Variants in OR5BS1 observed in about 807,000 individuals in gnomAD.
OR5BS1 encodes the protein olfactory receptor family 5 subfamily BS member 1.
At chr12:48,560,625 C>T in the OR5BS1 span, 1 of 401,382 alleles carries the variant, frequency 2.5e-6, no homozygotes, top group Non-Finnish European at 4.4e-6. Flanking sequence ...TCCTTGTGGT[C>T]ACCATCTTTT....
the OR5BS1 span, among the ~76,000 whole-genome samples, chr12:48,561,851 T>C: frequency 2.6e-5 from 4 of 152,244 alleles, no homozygotes; most frequent in African/African-American, 9.6e-5. Flanking sequence ...CATCTCCCTT[T>C]GTCTCAGTTT....
the OR5BS1 span, chr12:48,562,696 T>C: frequency 2.5e-6 from 1 of 398,596 alleles, no homozygotes; most frequent in Non-Finnish European, 4.4e-6. Context: ...GAAGACCTCC[T>C]TTGCAGAGTC....
the OR5BS1 span, chr12:48,562,871 A>T: frequency 2.5e-6 from 1 of 401,864 alleles, no homozygotes. Flanking sequence ...CCCCTGCTGA[A>T]CCCCCTCATC....
the OR5BS1 span, among the ~76,000 whole-genome samples, chr12:48,561,951 A>ATT: frequency 3.6e-4 from 54 of 151,652 alleles, no homozygotes; most frequent in East Asian, 3.1e-3. Context: ...TAAAATGACT[A>ATT]TTTTTTTTAT....
chr12:48,561,389 A>G, the OR5BS1 span, among the ~76,000 whole-genome samples: 1 of 152,226 alleles, frequency 6.6e-6, no homozygotes, highest in African/African-American at 2.4e-5. Context: ...GCTGCTTTAC[A>G]TCGCCAAGCC....
the OR5BS1 span, among the ~76,000 whole-genome samples, chr12:48,561,827 T>A: frequency 6.6e-6 from 1 of 152,232 alleles, no homozygotes; most frequent in Non-Finnish European, 1.5e-5. Context: ...ACCTGAGCTG[T>A]GCACCAATCT....
chr12:48,560,184 C>T, the OR5BS1 span: 2 of 401,244 alleles, frequency 5.0e-6, no homozygotes, highest in Non-Finnish European at 8.8e-6. Flanking sequence ...TCACTCAGAT[C>T]TCCCTGGTCA....
the OR5BS1 span, chr12:48,560,729 G>C: frequency 1.0e-5 from 4 of 399,332 alleles, no homozygotes; most frequent in African/African-American, 6.2e-5. Flanking sequence ...GCAGAAGAGA[G>C]CATTACAAAA....
At chr12:48,562,822 C>T in the OR5BS1 span, 1 of 401,770 alleles carries the variant, frequency 2.5e-6, no homozygotes, top group East Asian at 3.6e-5. Flanking sequence ...TGGCTCAGCC[C>T]TAGAACAAGT....
At chr12:48,560,390 GCCC>G in the OR5BS1 span, 1 of 401,590 alleles carries the variant, frequency 2.5e-6, no homozygotes. Flanking sequence ...CACTTCTGCG[GCCC>G]TAATGTCATC....
At chr12:48,560,113 G>A in the OR5BS1 span, 1 of 402,044 alleles carries the variant, frequency 2.5e-6, no homozygotes, top group Non-Finnish European at 4.4e-6. Flanking sequence ...CTCAATTATT[G>A]TGCCTAAACT....
the OR5BS1 span, chr12:48,560,510 C>T: frequency 5.0e-6 from 2 of 401,978 alleles, no homozygotes; most frequent in Non-Finnish European, 8.8e-6. Context: ...GGCCTTGGCA[C>T]CCTTGTCCTT....
At chr12:48,560,702 C>G in the OR5BS1 span, 5 of 400,358 alleles carry the variant, frequency 1.2e-5, no homozygotes, top group East Asian at 7.1e-5. Context: ...ATTCCTTACC[C>G]TAAGTGGTCT....
At chr12:48,562,030 G>A in the OR5BS1 span, among the ~76,000 whole-genome samples, 1 of 152,134 alleles carries the variant, frequency 6.6e-6, no homozygotes, top group South Asian at 2.1e-4. Context: ...TGGTGCCACT[G>A]CAAATAAATA....
At chr12:48,560,078 T>G in the OR5BS1 span, 1 of 403,552 alleles carries the variant, frequency 2.5e-6, no homozygotes, top group Non-Finnish European at 4.4e-6. Context: ...CTGAGACAAC[T>G]CTCCTTCCTG....
At chr12:48,561,550 C>CT in the OR5BS1 span, among the ~76,000 whole-genome samples, 1 of 152,308 alleles carries the variant, frequency 6.6e-6, no homozygotes, top group Non-Finnish European at 1.5e-5. Flanking sequence ...CGTGCCCTTC[C>CT]TTACCATGCT....
chr12:48,560,631 C>G, the OR5BS1 span: 1 of 401,426 alleles, frequency 2.5e-6, no homozygotes, highest in East Asian at 3.6e-5. Context: ...TGGTCACCAT[C>G]TTTTATACTT....
At chr12:48,560,136 T>G in the OR5BS1 span, 2 of 401,576 alleles carry the variant, frequency 5.0e-6, no homozygotes, top group African/African-American at 4.1e-5. Context: ...TAGAGAACCT[T>G]CTTTCTAAGG....
chr12:48,562,648 G>A, the OR5BS1 span: 1 of 394,094 alleles, frequency 2.5e-6, no homozygotes, highest in Non-Finnish European at 4.5e-6. Context: ...TCACAGATCA[G>A]CCATTTCTAG....
Sources: allele counts gnomAD v4.1 joint callset (sites outside exome capture counted in the v4.1 genomes callset), GRCh38; gene constraint gnomAD v4.1.1; transcripts MANE v1.5; gene names NCBI Gene and HGNC (gene_info 2026-07-23, HGNC 2026-07-21).